Variants in LIX1 observed in about 807,000 individuals in gnomAD.
LIX1 encodes limb and CNS expressed 1, also known as protein limb expression 1 homolog.
Under a neutral mutation model 33.4 loss-of-function variants are expected in LIX1, and 24 were observed. The ratio of observed to expected loss-of-function variants is 0.72; its 90% CI spans 0.52 to 1.01. LIX1 has a LOEUF of 1.01. Among genes scored for constraint, LIX1 ranks in the 50% least tolerant of loss-of-function variants. LIX1 has a pLI of 0.00. For missense variants in LIX1, 311 were observed against 339.2 expected (o/e 0.92, Z 0.65); for synonymous variants, 124 against 124.0 (o/e 1.00, Z 0.00).
chr5:97,117,504 T>A (rs1209040076), intron 2 of LIX1, among the ~76,000 whole-genome samples: 1 of 152,190 alleles, frequency 6.6e-6, no homozygotes, highest in East Asian at 1.9e-4. Flanking sequence ...TCTTAGTCAT[T>A]CTCTACTGGG....
intron 1 of LIX1, among the ~76,000 whole-genome samples, chr5:97,135,419 A>G (rs1748150613): frequency 6.6e-6 from 1 of 152,336 alleles, no homozygotes; most frequent in East Asian, 1.9e-4. Context: ...ATGTCATTCA[A>G]TCTCAAAAGC....
chr5:97,111,904 C>T (rs917411736), intron 2 of LIX1, among the ~76,000 whole-genome samples: 4 of 152,184 alleles, frequency 2.6e-5, no homozygotes, highest in Non-Finnish European at 5.9e-5. Flanking sequence ...CTAACCAATA[C>T]CAAGATTTTA....
intron 4 of LIX1, among the ~76,000 whole-genome samples, chr5:97,097,558 T>C (rs1237616059): frequency 6.6e-6 from 1 of 152,314 alleles, no homozygotes; most frequent in Non-Finnish European, 1.5e-5. Context: ...GAGGAATGCC[T>C]GGGGGACAGG....
intron 4 of LIX1, among the ~76,000 whole-genome samples, chr5:97,100,341 GCTTTT>G (rs1746627651): frequency 6.6e-6 from 1 of 152,004 alleles, no homozygotes; most frequent in Non-Finnish European, 1.5e-5. Context: ...TCACGAAGCA[GCTTTT>G]TTTTTCTCTC....
At chr5:97,133,231 T>C (rs1399152918) in intron 1 of LIX1, among the ~76,000 whole-genome samples, 2 of 152,218 alleles carry the variant, frequency 1.3e-5, no homozygotes, top group Non-Finnish European at 2.9e-5. Context: ...GAAGTTTCCT[T>C]AGTAGTTAAA....
chr5:97,132,657 G>C (rs746225655), intron 1 of LIX1, among the ~76,000 whole-genome samples: 10 of 152,226 alleles, frequency 6.6e-5, no homozygotes, highest in Admixed American at 2.6e-4. Flanking sequence ...CCAAGCAGGA[G>C]AGAAGGGTAG....
intron 2 of LIX1, among the ~76,000 whole-genome samples, chr5:97,113,542 T>C (rs1747522247): frequency 6.6e-6 from 1 of 152,226 alleles, no homozygotes; most frequent in Non-Finnish European, 1.5e-5. Flanking sequence ...GTTGGTTTTG[T>C]TATTATCCTT....
At chr5:97,111,501 G>A (rs965522361) in intron 2 of LIX1, among the ~76,000 whole-genome samples, 1 of 152,086 alleles carries the variant, frequency 6.6e-6, no homozygotes, top group Admixed American at 6.6e-5. Flanking sequence ...TGGAAAATCA[G>A]TTCCCCATTA....
chr5:97,118,537 G>A (rs1362771213), intron 2 of LIX1, among the ~76,000 whole-genome samples: 4 of 152,124 alleles, frequency 2.6e-5, no homozygotes, highest in African/African-American at 4.8e-5. Context: ...TCATGGTCAT[G>A]ATATGTGGCT....
At chr5:97,124,063 G>C (rs150652353) in intron 2 of LIX1, among the ~76,000 whole-genome samples, 2 of 152,096 alleles carry the variant, frequency 1.3e-5, no homozygotes, top group Admixed American at 1.3e-4. Context: ...GGAGAGTAAA[G>C]GTTAAAATAT....
chr5:97,093,015 T>C lies in LIX1; in HGVS notation c.*1733A>G, dbSNP rs1439665814. 2 of 152,356 alleles carry C rather than the reference T, an allele frequency of 1.3e-5. No homozygotes were observed. Among genetic ancestry groups the C allele is most frequent in the Non-Finnish European group, 2.9e-5 (2 of 68,048 alleles). The allele number at this position is 152,356 out of a possible 1,614,324, so 9.4% of individuals were successfully genotyped here. A position where few individuals can be genotyped will look rare whatever the true frequency, so the allele number is the denominator to read the frequency against. On this transcript the variant is annotated 3_prime_UTR_variant, in exon 6 of 6. Transcript: ENST00000274382. The stretch of plus-strand genomic sequence containing the variant: ...TCATTGTGGAGAGGAATGTAACTTT[T>C]GTTAAAATAATATTTTAAAATAAAA...
chr5:97,106,625 G>T (rs184571256), intron 3 of LIX1, among the ~76,000 whole-genome samples: 2 of 152,140 alleles, frequency 1.3e-5, no homozygotes, highest in African/African-American at 4.8e-5. Context: ...GGGACTGAAG[G>T]CTTCTTTCTT....
At position 97,094,923 on chromosome 5, in the gene LIX1, A is replaced by G. The variant is rs367981009; in HGVS notation, c.674T>C (p.Leu225Pro). 2.0e-5 allele frequency: 33 copies of G among 1,614,002 alleles called. No individual in the cohort carries two copies. The highest frequency in any genetic ancestry group is 2.6e-5 in the Non-Finnish European group (31 of 1,180,012). The part of the protein sequence containing the change: ...RDSPGIVSQE[L>P]RMALRQLEEA... Reference sequence around the variant, plus strand: ...CTCCAACTGCCTCAGGGCCATTCGTAGCTCTTGAGAGACAATTCCTGGTGA... The same window carrying G: ...CTCCAACTGCCTCAGGGCCATTCGTGGCTCTTGAGAGACAATTCCTGGTGA... The change falls in exon 6 of 6, where the codon CTA (leucine) becomes CCA (proline). Residue 225 changes from leucine (L) to proline (P), a missense_variant. Coordinates refer to ENST00000274382, the MANE Select transcript of LIX1 (RefSeq NM_153234.5).
chr5:97,122,938 T>A (rs1440669493), intron 2 of LIX1, among the ~76,000 whole-genome samples: 1 of 152,246 alleles, frequency 6.6e-6, no homozygotes, highest in South Asian at 2.1e-4. Flanking sequence ...GGAAGGTTAA[T>A]AAGGATTTCA....
intron 1 of LIX1, among the ~76,000 whole-genome samples, chr5:97,126,801 A>G (rs1231267400): frequency 6.6e-6 from 1 of 151,556 alleles, no homozygotes; most frequent in Non-Finnish European, 1.5e-5. Context: ...CACTACGCCC[A>G]GCTAATTTTT....
chr5:97,113,043 T>C (rs1747491279), intron 2 of LIX1, among the ~76,000 whole-genome samples: 1 of 152,228 alleles, frequency 6.6e-6, no homozygotes, highest in South Asian at 2.1e-4. Flanking sequence ...TGGTCTCACT[T>C]GCCATCTCTT....
chr5:97,103,104 A>AAAGTTTTTTAAAGTTTTAAAG lies in LIX1; in HGVS notation c.483+2085_483+2086insCTTTAAAACTTTAAAAAACTT, dbSNP rs538479457. 4.5e-3 allele frequency: 2,015 copies of AAAGTTTTTTAAAGTTTTAAAG among 452,660 alleles called. 32 individuals carry two copies. Among genetic ancestry groups the AAAGTTTTTTAAAGTTTTAAAG allele is most frequent in the African/African-American group, 0.037 (1,843 of 49,692 alleles). 28.0% of individuals were successfully genotyped at this position (452,660 alleles called of 1,614,324 possible). A position where few individuals can be genotyped will look rare whatever the true frequency, so the allele number is the denominator to read the frequency against. The stretch of plus-strand genomic sequence containing the variant: ...CAGACTTCACACATAGGTCTGTATG[A>AAAGTTTTTTAAAGTTTTAAAG]CTTTTTAAAGTTTATATTCTTTCTC... On this transcript the variant is annotated intron_variant, in intron 4 of 5. Coordinates refer to ENST00000274382, the MANE Select transcript of LIX1 (RefSeq NM_153234.5).
intron 2 of LIX1, among the ~76,000 whole-genome samples, chr5:97,112,384 G>A (rs779378974): frequency 3.5e-4 from 53 of 152,326 alleles, no homozygotes; most frequent in Non-Finnish European, 6.2e-4. Flanking sequence ...CAAACCAGTC[G>A]TCAAAGACAT....
intron 2 of LIX1, among the ~76,000 whole-genome samples, chr5:97,114,172 T>C (rs1313165179): frequency 6.6e-6 from 1 of 152,154 alleles, no homozygotes; most frequent in Non-Finnish European, 1.5e-5. Context: ...CCAAGAAGTA[T>C]TGATAACTCT....
Sources: gnomAD v4.1 joint callset for allele counts (sites outside exome capture counted in the v4.1 genomes callset) on GRCh38, gnomAD v4.1.1 for gene constraint, MANE v1.5 for transcripts, NCBI Gene and HGNC (gene_info 2026-07-23, HGNC 2026-07-21) for gene names.